Variants in TEC observed in about 807,000 individuals in gnomAD.
TEC encodes the protein tec protein tyrosine kinase.
Under a neutral mutation model 93.0 loss-of-function variants are expected in TEC, and 72 were observed. The ratio of observed to expected loss-of-function variants is 0.77; its 90% CI spans 0.64 to 0.94. The LOEUF is 0.94. Among genes scored for constraint, TEC ranks in the 40% least tolerant of loss-of-function variants. TEC has a pLI of 0.00. For synonymous variants in TEC, 249 were observed against 247.7 expected (o/e 1.01, Z -0.05); for missense variants, 630 against 757.9 (o/e 0.83, Z 1.98).
intron 2 of TEC, among the ~76,000 whole-genome samples, chr4:48,226,710 C>CG (rs911379705): frequency 4.6e-5 from 7 of 151,976 alleles, no homozygotes; most frequent in African/African-American, 1.2e-4. Context: ...GTTAAGTTTG[C>CG]GGGGGGAGTC....
At chr4:48,243,964 AATT>A (rs1433497554) in intron 1 of TEC, among the ~76,000 whole-genome samples, 11,894 of 88,976 alleles carry the variant, frequency 0.13, 615 homozygotes, top group East Asian at 0.25. Flanking sequence ...CTTAAAGTAT[AATT>A]AAAAAAAAAA....
At chr4:48,178,094 T>C (rs1350890307) in intron 2 of TEC, among the ~76,000 whole-genome samples, 1 of 152,204 alleles carries the variant, frequency 6.6e-6, no homozygotes, top group Admixed American at 6.5e-5. Flanking sequence ...CCTATTCCCT[T>C]CATGCCTGGC....
At position 48,163,894 on chromosome 4, in the gene TEC, A is replaced by AC. The variant is rs1471428941; in HGVS notation, c.672-128dup. 1.4e-5 allele frequency: 7 copies of AC among 505,678 alleles called. No homozygotes were observed. In the Admixed American group the frequency reaches 2.2e-4, roughly 16 times the overall value. 31.3% of individuals were successfully genotyped at this position (505,678 alleles called of 1,614,324 possible). ...AGCTTATTATAAGAAAGACTAGCTG[A>AC]CCCCCCAAAATGCAGTATCTGTAAT... On this transcript the variant is annotated intron_variant, in intron 7 of 17. Transcript: ENST00000381501.
chr4:48,169,081 A>G (rs1188670040), intron 5 of TEC, among the ~76,000 whole-genome samples: 1 of 152,154 alleles, frequency 6.6e-6, no homozygotes, highest in Non-Finnish European at 1.5e-5. Flanking sequence ...ATTCTAATCA[A>G]AGGATTCTGT....
At chr4:48,171,497 C>T (rs1721110796) in intron 3 of TEC, 48 bp from the exon 4 acceptor site, 1 of 1,484,332 alleles carries the variant, frequency 6.7e-7, no homozygotes, top group Non-Finnish European at 9.4e-7. Context: ...TTAGACACAG[C>T]ACTTCTGTCT....
intron 2 of TEC, among the ~76,000 whole-genome samples, chr4:48,222,555 C>T (rs923248975): frequency 3.4e-4 from 51 of 151,894 alleles, no homozygotes; most frequent in African/African-American, 1.1e-3. Flanking sequence ...GAGTGTTTCT[C>T]GGTGAGATCA....
At chr4:48,154,053 T>TA (rs1720292400) in intron 9 of TEC, among the ~76,000 whole-genome samples, 1 of 152,218 alleles carries the variant, frequency 6.6e-6, no homozygotes, top group African/African-American at 2.4e-5. Flanking sequence ...AATAAATTGC[T>TA]ACAGGGTATG....
At chr4:48,215,683 C>T (rs1010098841) in intron 2 of TEC, among the ~76,000 whole-genome samples, 19 of 152,048 alleles carry the variant, frequency 1.2e-4, no homozygotes, top group Admixed American at 9.8e-4. Flanking sequence ...AAGAGGTAAC[C>T]CTGTCGTAAG....
chr4:48,223,451 G>A (rs4456935), intron 2 of TEC, among the ~76,000 whole-genome samples: 29,307 of 151,946 alleles, frequency 0.19, 2,941 homozygotes, highest in East Asian at 0.29. Context: ...GAAGGTGTGC[G>A]CAATCTCTTG....
intron 2 of TEC, among the ~76,000 whole-genome samples, chr4:48,176,856 G>A (rs908730684): frequency 1.3e-4 from 20 of 152,156 alleles, no homozygotes; most frequent in Admixed American, 6.5e-5. Context: ...ACCAAGCCAA[G>A]CAAAATTCCA....
At chr4:48,258,818 T>C (rs763317558) in intron 1 of TEC, among the ~76,000 whole-genome samples, 34 of 152,228 alleles carry the variant, frequency 2.2e-4, no homozygotes, top group Non-Finnish European at 4.6e-4. Context: ...CTAGCGAATT[T>C]GTCTGACATG....
intron 2 of TEC, among the ~76,000 whole-genome samples, chr4:48,186,708 C>G (rs192055724): frequency 0.024 from 3,696 of 151,958 alleles, 143 homozygotes; most frequent in African/African-American, 0.086. Context: ...GCAGCCGCCC[C>G]GTCCAGGAGG....
At chr4:48,247,912 T>C (rs1297314835) in intron 1 of TEC, among the ~76,000 whole-genome samples, 1 of 152,242 alleles carries the variant, frequency 6.6e-6, no homozygotes, top group African/African-American at 2.4e-5. Context: ...ATGTACAACA[T>C]GTAAATATAC....
chr4:48,141,235 A>G, intron 15 of TEC, 120 bp downstream of exon 15: 1 of 836,676 alleles, frequency 1.2e-6, no homozygotes, highest in Non-Finnish European at 1.9e-6. Context: ...TACTTAATTT[A>G]ATCTGAGAAC....
chr4:48,136,833 A>G lies in TEC; in HGVS notation c.*583T>C, dbSNP rs1217464016. The G allele has an allele frequency of 1.3e-5, 2 of 151,856 alleles. No individual in the cohort carries two copies. The highest frequency in any genetic ancestry group is 1.3e-4 in the Admixed American group (2 of 15,246). The allele number at this position is 151,856 out of a possible 1,614,324, so 9.4% of individuals were successfully genotyped here. ...TCATAAATATATAACTTTATATATT[A>G]TATATATTTACAATATATACAGCAT... On this transcript the variant is annotated 3_prime_UTR_variant, in exon 18 of 18. Coordinates refer to ENST00000381501, the MANE Select transcript of TEC (RefSeq NM_003215.3).
At chr4:48,269,642 C>G (rs1156498271) in intron 1 of TEC, 110 bp downstream of exon 1, 2 of 152,284 alleles carry the variant, frequency 1.3e-5, no homozygotes, top group Non-Finnish European at 2.9e-5. Flanking sequence ...CCCCGTTCCT[C>G]GAGGGGCGTG....
chr4:48,193,120 T>C (rs1244119996), intron 2 of TEC, among the ~76,000 whole-genome samples: 2 of 151,870 alleles, frequency 1.3e-5, no homozygotes, highest in Non-Finnish European at 2.9e-5. Flanking sequence ...AATTTCACAA[T>C]ATCCAGTTGT....
At chr4:48,151,019 A>G in intron 9 of TEC, 77 bp from the exon 10 acceptor site, 1 of 924,688 alleles carries the variant, frequency 1.1e-6, no homozygotes, top group East Asian at 2.6e-5. Flanking sequence ...TAAAGAACCT[A>G]ATATTATAAT....
chr4:48,199,614 G>A (rs550862996), intron 2 of TEC, among the ~76,000 whole-genome samples: 78 of 151,344 alleles, frequency 5.2e-4, no homozygotes, highest in African/African-American at 1.7e-3. Flanking sequence ...CTACAGGCAC[G>A]CACCACCACA....
Sources: allele counts gnomAD v4.1 joint callset (sites outside exome capture counted in the v4.1 genomes callset), GRCh38; gene constraint gnomAD v4.1.1; transcripts MANE v1.5; gene names NCBI Gene and HGNC (gene_info 2026-07-23, HGNC 2026-07-21).